The following SYT16 variants were observed in gnomAD, a reference collection of about 807,000 sequenced individuals.
SYT16 encodes synaptotagmin-16.
Under a neutral mutation model 61.4 loss-of-function variants are expected in SYT16, and 42 were observed. The ratio of observed to expected loss-of-function variants is 0.68; its 90% CI spans 0.53 to 0.89. The LOEUF (loss-of-function observed/expected upper bound fraction) is 0.89. Among genes scored for constraint, SYT16 ranks in the 40% least tolerant of loss-of-function variants. The pLI, the probability that SYT16 is intolerant of heterozygous loss-of-function variation, is 0.00. For synonymous variants in SYT16, 314 were observed against 302.3 expected (o/e 1.04, Z -0.40); for missense variants, 804 against 807.3 (o/e 1.00, Z 0.05).
intron 3 of SYT16, among the ~76,000 whole-genome samples, chr14:62,062,291 C>G (rs10143339): frequency 6.6e-6 from 1 of 151,192 alleles, no homozygotes; most frequent in African/African-American, 2.4e-5. Flanking sequence ...CTTAGTTTCT[C>G]TATTTGAGGG....
At chr14:62,098,156 C>T (rs1287113900) in intron 7 of SYT16, among the ~76,000 whole-genome samples, 2 of 152,214 alleles carry the variant, frequency 1.3e-5, no homozygotes, top group African/African-American at 4.8e-5. Flanking sequence ...TGTTTCCTAT[C>T]TTACAATGCT....
chr14:61,940,034 T>A (rs1371617372), intron 1 of SYT16, among the ~76,000 whole-genome samples: 1 of 152,236 alleles, frequency 6.6e-6, no homozygotes, highest in Non-Finnish European at 1.5e-5. Context: ...GCTCGTTTCT[T>A]ACCATATTTA....
chr14:62,091,895 A>G (rs914852019), intron 7 of SYT16, among the ~76,000 whole-genome samples: 2 of 152,186 alleles, frequency 1.3e-5, no homozygotes, highest in Non-Finnish European at 2.9e-5. Flanking sequence ...ATCAAAAGAT[A>G]ATAGAGTAAA....
At chr14:61,930,410 G>GCA in intron 1 of SYT16, among the ~76,000 whole-genome samples, 2 of 151,920 alleles carry the variant, frequency 1.3e-5, no homozygotes, top group East Asian at 1.9e-4. Flanking sequence ...CTGTCACCTG[G>GCA]CAGCTAGGCT....
At chr14:62,023,154 T>C (rs914863188) in intron 3 of SYT16, among the ~76,000 whole-genome samples, 6 of 152,122 alleles carry the variant, frequency 3.9e-5, no homozygotes, top group African/African-American at 1.4e-4. Flanking sequence ...CATGATTTTT[T>C]CTTCTTTTTC....
At chr14:62,067,835 A>G (rs971279731) in intron 3 of SYT16, among the ~76,000 whole-genome samples, 13 of 152,116 alleles carry the variant, frequency 8.5e-5, no homozygotes, top group Non-Finnish European at 1.9e-4. Flanking sequence ...AAATAAATAA[A>G]TAAAGCTGGG....
At chr14:61,879,287 C>T (rs2047608444) in intron 1 of SYT16, among the ~76,000 whole-genome samples, 1 of 152,194 alleles carries the variant, frequency 6.6e-6, no homozygotes, top group Admixed American at 6.5e-5. Context: ...GTCTCTCCTA[C>T]TTGACCTTCA....
intron 1 of SYT16, among the ~76,000 whole-genome samples, chr14:61,832,541 A>T (rs2045974434): frequency 6.6e-6 from 1 of 152,034 alleles, no homozygotes; most frequent in African/African-American, 2.4e-5. Flanking sequence ...AGTTCAAGTG[A>T]TTCTCCTGCC....
chr14:62,060,955 G>C (rs1357487218), intron 3 of SYT16, among the ~76,000 whole-genome samples: 1 of 151,938 alleles, frequency 6.6e-6, no homozygotes, highest in Non-Finnish European at 1.5e-5. Context: ...CTCTTTTCAA[G>C]TGCATGTCAT....
chr14:61,970,015 G>T (rs1454093664), intron 1 of SYT16, 117 bp from the exon 2 acceptor site: 1 of 152,170 alleles, frequency 6.6e-6, no homozygotes, highest in East Asian at 1.9e-4. Flanking sequence ...TAGAGTGTTT[G>T]TCATTTCTCA....
chr14:62,085,633 A>G (rs1276199473), intron 7 of SYT16, among the ~76,000 whole-genome samples: 1 of 152,164 alleles, frequency 6.6e-6, no homozygotes, highest in Non-Finnish European at 1.5e-5. Flanking sequence ...GCTGCAGCCC[A>G]CAAAGGATCT....
At chr14:61,931,620 T>C (rs2049772755) in intron 1 of SYT16, among the ~76,000 whole-genome samples, 1 of 152,236 alleles carries the variant, frequency 6.6e-6, no homozygotes, top group African/African-American at 2.4e-5. Flanking sequence ...TTTGTGTGAC[T>C]GTACTAAAAC....
At chr14:62,040,591 G>A (rs1183198211) in intron 3 of SYT16, among the ~76,000 whole-genome samples, 2 of 152,068 alleles carry the variant, frequency 1.3e-5, no homozygotes, top group Non-Finnish European at 2.9e-5. Context: ...TTTTGTCTAA[G>A]TATAGAGTTC....
intron 1 of SYT16, among the ~76,000 whole-genome samples, chr14:61,830,082 TTCTTTATA>T (rs1486206309): frequency 6.6e-6 from 1 of 152,250 alleles, no homozygotes; most frequent in African/African-American, 2.4e-5. Context: ...TTCAGTTTTA[TTCTTTATA>T]TCTTGAGTAT....
intron 1 of SYT16, among the ~76,000 whole-genome samples, chr14:61,820,153 G>C (rs1427290030): frequency 6.6e-6 from 1 of 152,238 alleles, no homozygotes; most frequent in East Asian, 1.9e-4. Flanking sequence ...GCAGAACTCA[G>C]ATTTTAAATA....
chr14:61,819,572 A>G (rs143202690), intron 1 of SYT16, among the ~76,000 whole-genome samples: 2 of 152,348 alleles, frequency 1.3e-5, no homozygotes, highest in African/African-American at 4.8e-5. Flanking sequence ...TTTACTCACA[A>G]TGGAGCAAAG....
intron 3 of SYT16, among the ~76,000 whole-genome samples, chr14:62,054,056 C>T (rs1267655171): frequency 3.3e-5 from 5 of 152,212 alleles, no homozygotes. Flanking sequence ...ACATGATTAG[C>T]TATTTCCAAG....
At chr14:62,011,460 G>T (rs536311744) in intron 3 of SYT16, among the ~76,000 whole-genome samples, 1 of 152,126 alleles carries the variant, frequency 6.6e-6, no homozygotes, top group African/African-American at 2.4e-5. Context: ...CTTGATTCAC[G>T]TGGCTTGACT....
chr14:62,085,555 C>A (rs2056856786), intron 7 of SYT16, among the ~76,000 whole-genome samples: 1 of 152,166 alleles, frequency 6.6e-6, no homozygotes, highest in Non-Finnish European at 1.5e-5. Flanking sequence ...GAACTAGGAG[C>A]ACCACTGGAA....
Sources: allele counts gnomAD v4.1 joint callset (sites outside exome capture counted in the v4.1 genomes callset), GRCh38; gene constraint gnomAD v4.1.1; transcripts MANE v1.5; gene names NCBI Gene and HGNC (gene_info 2026-07-23, HGNC 2026-07-21).